The following SLC25A13 variants were observed in gnomAD, a reference collection of about 807,000 sequenced individuals.
SLC25A13 encodes solute carrier family 25 member 13, also known as electrogenic aspartate/glutamate antiporter SLC25A13, mitochondrial.
SLC25A13 carries 70 observed loss-of-function variants against 85.5 expected under a neutral mutation model. That is an observed-to-expected ratio of 0.82 (90% CI 0.68 to 1.00). The LOEUF (loss-of-function observed/expected upper bound fraction) is 1.00. Among genes scored for constraint, SLC25A13 ranks in the 50% least tolerant of loss-of-function variants. The pLI is 0.00. For missense variants in SLC25A13, 765 were observed against 819.8 expected (o/e 0.93, Z 0.82); for synonymous variants, 259 against 288.7 (o/e 0.90, Z 1.04).
intron 14 of SLC25A13, among the ~76,000 whole-genome samples, chr7:96,136,582 C>T (rs1792297333): frequency 1.3e-5 from 2 of 152,182 alleles, no homozygotes; most frequent in Admixed American, 1.3e-4. Context: ...ATCACCTGCC[C>T]AATCAATCCA....
intron 1 of SLC25A13, among the ~76,000 whole-genome samples, chr7:96,298,905 C>A (rs1239170104): frequency 3.3e-5 from 3 of 92,122 alleles, no homozygotes; most frequent in Non-Finnish European, 8.1e-5. Context: ...TAGGGTAGGA[C>A]GAACACAAGA....
chr7:96,175,750 G>A lies in SLC25A13; in HGVS notation c.1178-4226C>T, dbSNP rs7777518. ...AAAAAGTAAAAAGTTCTAGAGGCAG[G>A]TGAAGGATAGTTTGCAAGAGCAGAG... On this transcript the variant is annotated intron_variant, in intron 11 of 17. Transcript: ENST00000265631. Among the ~76,000 whole-genome samples the A allele has an allele frequency of 3.0e-3, 455 of 152,358 alleles. 3 individuals carry two copies. Among genetic ancestry groups the A allele is most frequent in the African/African-American group, 0.01 (430 of 41,576 alleles).
chr7:96,187,757 T>C (rs1355380598), intron 9 of SLC25A13, among the ~76,000 whole-genome samples: 1 of 152,182 alleles, frequency 6.6e-6, no homozygotes, highest in Admixed American at 6.5e-5. Context: ...TTCACTCCTC[T>C]GTCCAGGATA....
At chr7:96,203,970 G>C (rs185689298) in intron 5 of SLC25A13, among the ~76,000 whole-genome samples, 1 of 152,164 alleles carries the variant, frequency 6.6e-6, no homozygotes, top group Non-Finnish European at 1.5e-5. Flanking sequence ...GAGTGGGAAC[G>C]GCATCGTATT....
chr7:96,164,358 G>C (rs1037180772), intron 13 of SLC25A13, among the ~76,000 whole-genome samples: 2 of 152,184 alleles, frequency 1.3e-5, no homozygotes, highest in East Asian at 1.9e-4. Flanking sequence ...GGACCTTCTA[G>C]CTGCCTCACC....
chr7:96,315,189 G>T (rs1356032355), intron 1 of SLC25A13, among the ~76,000 whole-genome samples: 2 of 152,212 alleles, frequency 1.3e-5, no homozygotes, highest in African/African-American at 4.8e-5. Flanking sequence ...GAAATTTGGA[G>T]AAACCCCTAC....
intron 2 of SLC25A13, among the ~76,000 whole-genome samples, chr7:96,294,578 C>T (rs1799273044): frequency 6.8e-6 from 1 of 146,482 alleles, no homozygotes; most frequent in Non-Finnish European, 1.5e-5. Context: ...ACCTGCACTC[C>T]AGCCTGGGAG....
At chr7:96,291,656 G>A (rs983701477) in intron 2 of SLC25A13, among the ~76,000 whole-genome samples, 7 of 152,116 alleles carry the variant, frequency 4.6e-5, no homozygotes, top group African/African-American at 1.4e-4. Context: ...ACACCTCTAC[G>A]CAAATAAACT....
chr7:96,292,692 A>G (rs1332122322), intron 2 of SLC25A13, among the ~76,000 whole-genome samples: 2 of 152,132 alleles, frequency 1.3e-5, no homozygotes, highest in African/African-American at 4.8e-5. Context: ...GCTTCAAAGA[A>G]AATAAAATAC....
intron 15 of SLC25A13, among the ~76,000 whole-genome samples, chr7:96,131,290 T>C (rs1792019620): frequency 6.6e-6 from 1 of 152,378 alleles, no homozygotes; most frequent in African/African-American, 2.4e-5. Context: ...GTGTCTCTAA[T>C]TGGCCCAGGT....
intron 3 of SLC25A13, among the ~76,000 whole-genome samples, chr7:96,260,510 G>T (rs1490595066): frequency 6.6e-6 from 1 of 152,078 alleles, no homozygotes; most frequent in Non-Finnish European, 1.5e-5. Context: ...CTTATGCTGA[G>T]AATTGGCTCA....
At chr7:96,268,590 G>A (rs1261282629) in intron 3 of SLC25A13, among the ~76,000 whole-genome samples, 1 of 152,176 alleles carries the variant, frequency 6.6e-6, no homozygotes, top group Non-Finnish European at 1.5e-5. Context: ...CCATCATTAA[G>A]TAGATTAAAA....
intron 3 of SLC25A13, among the ~76,000 whole-genome samples, chr7:96,257,876 T>A (rs1797700357): frequency 6.6e-6 from 1 of 152,162 alleles, no homozygotes; most frequent in Non-Finnish European, 1.5e-5. Flanking sequence ...TATAATCAAG[T>A]CGGCTTCATC....
intron 1 of SLC25A13, among the ~76,000 whole-genome samples, chr7:96,318,489 G>A (rs1440867458): frequency 6.6e-6 from 1 of 152,132 alleles, no homozygotes; most frequent in African/African-American, 2.4e-5. Context: ...ACAAACGTAG[G>A]CAGCAAGAGA....
In SLC25A13 at chr7:96,189,675, C is replaced by G. The variant is rs1362890886; in HGVS notation, c.755-1G>C. 3 of 1,612,906 alleles carry G rather than the reference C, an allele frequency of 1.9e-6. No individual in the cohort carries two copies. The highest frequency in any genetic ancestry group is 2.5e-6 in the Non-Finnish European group (3 of 1,179,260). The stretch of plus-strand genomic sequence containing the variant: ...TTCTGAGCTGCCAGAACAAACTCCT[C>G]TGTATGGAAGAAAAGTTAAAAGGGA... On this transcript the variant is annotated splice_acceptor_variant, in intron 7 of 17. Transcript: ENST00000265631. LOFTEE classifies it high-confidence loss of function.
chr7:96,155,275 AGTTGT>A (rs998361351), intron 13 of SLC25A13, among the ~76,000 whole-genome samples: 1 of 152,174 alleles, frequency 6.6e-6, no homozygotes, highest in African/African-American at 2.4e-5. Context: ...CTCTCTTACC[AGTTGT>A]GTAAGGATTT....
intron 2 of SLC25A13, among the ~76,000 whole-genome samples, chr7:96,285,168 C>T (rs1389126806): frequency 6.6e-6 from 1 of 152,178 alleles, no homozygotes; most frequent in Non-Finnish European, 1.5e-5. Context: ...TCTCTCTCAT[C>T]CATTATAAAA....
At chr7:96,233,099 C>A (rs543797007) in intron 4 of SLC25A13, among the ~76,000 whole-genome samples, 14 of 152,290 alleles carry the variant, frequency 9.2e-5, no homozygotes, top group Non-Finnish European at 2.1e-4. Flanking sequence ...CAAGGAACTA[C>A]CTGAAGCCCA....
At chr7:96,317,929 G>A (rs188562036) in intron 1 of SLC25A13, among the ~76,000 whole-genome samples, 147 of 151,552 alleles carry the variant, frequency 9.7e-4, no homozygotes, top group African/African-American at 3.5e-3. Flanking sequence ...AGCCTCCCAA[G>A]TAGCCGGGAC....
Sources: gnomAD v4.1 joint callset for allele counts (sites outside exome capture counted in the v4.1 genomes callset) on GRCh38, gnomAD v4.1.1 for gene constraint, MANE v1.5 for transcripts, NCBI Gene and HGNC (gene_info 2026-07-23, HGNC 2026-07-21) for gene names.